The following SAMD4A variants were observed in gnomAD, a reference collection of about 807,000 sequenced individuals.
The protein encoded by SAMD4A is sterile alpha motif domain containing 4A.
Under a neutral mutation model 81.3 loss-of-function variants are expected in SAMD4A, and 33 were observed. The observed-to-expected ratio is 0.41, with a 90% confidence interval of 0.31 to 0.54. The LOEUF (loss-of-function observed/expected upper bound fraction) is 0.54, where lower values mean the gene tolerates loss of function less well. Among genes scored for constraint, SAMD4A ranks in the 20% least tolerant of loss-of-function variants. The probability of loss-of-function intolerance (pLI) is 0.37; values close to 1 mark genes in which losing one functional copy is unlikely to be tolerated. For synonymous variants in SAMD4A, 389 were observed against 382.1 expected (o/e 1.02, Z -0.21); for missense variants, 854 against 951.1 (o/e 0.90, Z 1.34).
chr14:54,769,928 TA>T (rs2038657072), intron 8 of SAMD4A, among the ~76,000 whole-genome samples, 175 bp from the exon 9 acceptor site: 1 of 152,184 alleles, frequency 6.6e-6, no homozygotes, highest in African/African-American at 2.4e-5. Context: ...TCAGATAACT[TA>T]AATTTTCAAA....
intron 9 of SAMD4A, 71 bp downstream of exon 9, chr14:54,770,293 G>T: frequency 9.6e-7 from 1 of 1,043,030 alleles, no homozygotes; most frequent in Non-Finnish European, 1.5e-6. Flanking sequence ...CTCGGTTCCT[G>T]GGGCAGGAAT....
intron 8 of SAMD4A, among the ~76,000 whole-genome samples, chr14:54,768,313 G>A (rs1055434733): frequency 2.2e-4 from 33 of 152,158 alleles, no homozygotes; most frequent in South Asian, 2.1e-4. Flanking sequence ...TATTTGAACC[G>A]TTATTAAGAG....
At chr14:54,604,549 T>G (rs2034147906) in intron 2 of SAMD4A, among the ~76,000 whole-genome samples, 1 of 152,234 alleles carries the variant, frequency 6.6e-6, no homozygotes, top group Non-Finnish European at 1.5e-5. Context: ...CAACGTACAA[T>G]TTTATTCCTG....
At position 54,639,074 on chromosome 14, in the gene SAMD4A, G is replaced by C. The variant is rs569741409; in HGVS notation, c.197-62988G>C. 9.2e-5 allele frequency among the ~76,000 whole-genome samples: 14 copies of C among 152,284 alleles called. No homozygotes were observed. In the South Asian group the frequency reaches 2.5e-3, roughly 27 times the overall value. On this transcript the variant is annotated intron_variant, in intron 2 of 12. Coordinates refer to ENST00000554335, the MANE Select transcript of SAMD4A (RefSeq NM_015589.6). ...TAGAGAGAAAGGACATGGTTTAGCA[G>C]ATCCATGGACCATGCCATTTGGTAC...
intron 2 of SAMD4A, among the ~76,000 whole-genome samples, chr14:54,695,451 C>T (rs961703105): frequency 6.6e-6 from 1 of 152,258 alleles, no homozygotes; most frequent in Non-Finnish European, 1.5e-5. Context: ...ATTGGTGTGA[C>T]TGGCTTCCCC....
At chr14:54,582,721 G>A (rs2033503117) in intron 2 of SAMD4A, among the ~76,000 whole-genome samples, 1 of 152,182 alleles carries the variant, frequency 6.6e-6, no homozygotes, top group Admixed American at 6.5e-5. Context: ...GGATAATGCT[G>A]TTATCAATTA....
chr14:54,617,741 A>G (rs970352559), intron 2 of SAMD4A, among the ~76,000 whole-genome samples: 8 of 152,212 alleles, frequency 5.3e-5, no homozygotes, highest in African/African-American at 1.9e-4. Context: ...TGACAACTTT[A>G]AAGTGCACCT....
chr14:54,704,226 C>G lies in SAMD4A; in HGVS notation c.715+1646C>G, dbSNP rs184935970. On this transcript the variant is annotated intron_variant, in intron 3 of 12. Transcript: ENST00000554335. The stretch of plus-strand genomic sequence containing the variant: ...TCCAGCAGGAACAGTTTACTCGTCT[C>G]TGTATGATAAGGAGTGATGACATGC... Among the ~76,000 whole-genome samples, 388 of 152,304 alleles carry G rather than the reference C, an allele frequency of 2.5e-3. 4 individuals are homozygous for G. The highest frequency in any genetic ancestry group is 0.02 in the South Asian group (96 of 4,818).
chr14:54,626,474 GC>G (rs1369279962), intron 2 of SAMD4A, among the ~76,000 whole-genome samples: 2 of 152,248 alleles, frequency 1.3e-5, no homozygotes, highest in East Asian at 3.9e-4. Context: ...TTATAAAGGT[GC>G]CATTCAGGAA....
rs1205542621 is a variant in SAMD4A, at chr14:54,594,036, A to T, written c.196+25924A>T. 5.3e-5 allele frequency among the ~76,000 whole-genome samples: 8 copies of T among 152,328 alleles called. No homozygotes were observed. The East Asian group carries it at 1.5e-3, about 29-fold the overall frequency. On this transcript the variant is annotated intron_variant, in intron 2 of 12. Transcript: ENST00000554335. The stretch of plus-strand genomic sequence containing the variant: ...CTCATGTGCCTACCTACCTACTCTA[A>T]GAAAATGTCTTTGTTTCTTCTGTTG...
chr14:54,615,876 G>A (rs2034477300), intron 2 of SAMD4A, among the ~76,000 whole-genome samples: 1 of 151,826 alleles, frequency 6.6e-6, no homozygotes, highest in African/African-American at 2.4e-5. Context: ...ATACGTATAG[G>A]GACCCTCCCC....
At chr14:54,681,793 G>A (rs1237230688) in intron 2 of SAMD4A, 1 of 985,120 alleles carries the variant, frequency 1.0e-6, no homozygotes, top group African/African-American at 1.7e-5. Flanking sequence ...AAAATATGCA[G>A]GGAGATGAGT....
intron 2 of SAMD4A, among the ~76,000 whole-genome samples, chr14:54,587,016 G>A (rs759769522): frequency 6.6e-5 from 10 of 152,086 alleles, no homozygotes; most frequent in Non-Finnish European, 1.0e-4. Context: ...ATTGCTTTTG[G>A]CAGTATGGTC....
In SAMD4A at chr14:54,660,683, T is replaced by TA. The variant is rs147329097; in HGVS notation, c.197-41370dup. Among the ~76,000 whole-genome samples the TA allele has an allele frequency of 2.7e-3, 413 of 151,582 alleles. 1 individual carries two copies. Among genetic ancestry groups the TA allele is most frequent in the African/African-American group, 9.5e-3 (393 of 41,388 alleles). ...TGGAGAAGACATCAACTTGAAAGTT[T>TA]AAAAAAAAAGAGAGAGACTGTCTAG... On this transcript the variant is annotated intron_variant, in intron 2 of 12. Transcript: ENST00000554335.
chr14:54,660,290 G>C (rs574661964), intron 2 of SAMD4A, among the ~76,000 whole-genome samples: 1 of 152,316 alleles, frequency 6.6e-6, no homozygotes, highest in South Asian at 2.1e-4. Context: ...AGGAAACCAA[G>C]AATCCTCTGA....
chr14:54,615,208 T>C (rs2034461155), intron 2 of SAMD4A, among the ~76,000 whole-genome samples: 1 of 152,174 alleles, frequency 6.6e-6, no homozygotes, highest in Non-Finnish European at 1.5e-5. Flanking sequence ...ACATGGCAAT[T>C]TTTGGCTGCT....
At chr14:54,600,987 A>T (rs1313226273) in intron 2 of SAMD4A, among the ~76,000 whole-genome samples, 1 of 152,146 alleles carries the variant, frequency 6.6e-6, no homozygotes, top group Non-Finnish European at 1.5e-5. Flanking sequence ...TTCTACCAAC[A>T]ATTAGAGGGA....
chr14:54,754,621 G>A (rs768531450), intron 6 of SAMD4A, among the ~76,000 whole-genome samples: 1 of 152,104 alleles, frequency 6.6e-6, no homozygotes, highest in South Asian at 2.1e-4. Context: ...TACCACTGAC[G>A]GCACCGGTGG....
At chr14:54,574,446 T>C (rs1207712432) in intron 2 of SAMD4A, among the ~76,000 whole-genome samples, 1 of 152,146 alleles carries the variant, frequency 6.6e-6, no homozygotes, top group Non-Finnish European at 1.5e-5. Context: ...AAACCACACA[T>C]GCAGGGAACT....
Sources: allele counts gnomAD v4.1 joint callset (sites outside exome capture counted in the v4.1 genomes callset), GRCh38; gene constraint gnomAD v4.1.1; transcripts MANE v1.5; gene names NCBI Gene and HGNC (gene_info 2026-07-23, HGNC 2026-07-21).